Variants in TFPI observed in about 807,000 individuals in gnomAD.
TFPI encodes tissue factor pathway inhibitor.
TFPI carries 15 observed loss-of-function variants against 34.6 expected under a neutral mutation model. That is an observed-to-expected ratio of 0.43 (90% CI 0.29 to 0.67). The LOEUF (loss-of-function observed/expected upper bound fraction) is 0.67, where lower values mean the gene tolerates loss of function less well. Among genes scored for constraint, TFPI ranks in the 30% least tolerant of loss-of-function variants. TFPI has a pLI of 0.15. For missense variants in TFPI, 301 were observed against 364.0 expected, an observed-to-expected ratio of 0.83 and a Z score of 1.41; for synonymous variants, 105 against 120.1, an observed-to-expected ratio of 0.87 and a Z score of 0.82.
chr2:187,540,652 G>A (rs1168793833), intron 1 of TFPI, among the ~76,000 whole-genome samples: 1 of 152,050 alleles, frequency 6.6e-6, no homozygotes, highest in African/African-American at 2.4e-5. Flanking sequence ...CGCTTTGGGA[G>A]GCCAAAGCGG....
At chr2:187,540,017 A>G (rs957515197) in intron 1 of TFPI, among the ~76,000 whole-genome samples, 6 of 151,464 alleles carry the variant, frequency 4.0e-5, no homozygotes, top group Non-Finnish European at 7.4e-5. Flanking sequence ...TCCTGCCTCA[A>G]GCCTCAAGCT....
At chr2:187,510,771 C>A (rs907927072) in intron 1 of TFPI, among the ~76,000 whole-genome samples, 1 of 152,196 alleles carries the variant, frequency 6.6e-6, no homozygotes, top group Non-Finnish European at 1.5e-5. Flanking sequence ...CTTGCTCAAT[C>A]AATCACGACC....
intron 5 of TFPI, 32 bp downstream of exon 5, chr2:187,484,779 A>T (rs1422904200): frequency 1.3e-6 from 2 of 1,552,558 alleles, no homozygotes; most frequent in Admixed American, 4.2e-5. Flanking sequence ...ATGCCTATAA[A>T]TGAACTAAAA....
intron 3 of TFPI, among the ~76,000 whole-genome samples, chr2:187,493,801 A>G (rs144874342): frequency 6.6e-6 from 1 of 152,314 alleles, no homozygotes; most frequent in African/African-American, 2.4e-5. Context: ...CAACTTCCCA[A>G]AAAGTTCCTC....
At chr2:187,488,588 A>G (rs1277209122) in intron 3 of TFPI, among the ~76,000 whole-genome samples, 1 of 151,416 alleles carries the variant, frequency 6.6e-6, no homozygotes, top group Non-Finnish European at 1.5e-5. Context: ...TCAATAGAGT[A>G]ATGTTTTAGA....
At chr2:187,468,889 A>G (rs1284275436) in intron 6 of TFPI, among the ~76,000 whole-genome samples, 1 of 152,076 alleles carries the variant, frequency 6.6e-6, no homozygotes, top group Non-Finnish European at 1.5e-5. Flanking sequence ...GCTTTGTCAA[A>G]TGGTGAGATG....
intron 1 of TFPI, among the ~76,000 whole-genome samples, chr2:187,534,649 C>T (rs1328733722): frequency 6.6e-6 from 1 of 152,046 alleles, no homozygotes; most frequent in East Asian, 1.9e-4. Flanking sequence ...CACTATGAAG[C>T]AACTGCATCA....
At chr2:187,547,862 C>A (rs1320567192) in intron 1 of TFPI, among the ~76,000 whole-genome samples, 1 of 152,126 alleles carries the variant, frequency 6.6e-6, no homozygotes, top group East Asian at 1.9e-4. Flanking sequence ...ATGATCATAT[C>A]ATCAGAAATC....
chr2:187,530,626 G>A (rs183820917), intron 1 of TFPI, among the ~76,000 whole-genome samples: 30 of 152,176 alleles, frequency 2.0e-4, no homozygotes, highest in African/African-American at 7.2e-4. Context: ...TGATGGTTAC[G>A]TTCTCTTCCT....
chr2:187,525,179 A>G (rs1222089513), intron 1 of TFPI, among the ~76,000 whole-genome samples: 1 of 152,120 alleles, frequency 6.6e-6, no homozygotes, highest in Non-Finnish European at 1.5e-5. Context: ...GCCCTAACCT[A>G]TAAGAAGTAT....
chr2:187,479,420 A>G (rs1367761948), intron 6 of TFPI, among the ~76,000 whole-genome samples: 1 of 151,032 alleles, frequency 6.6e-6, no homozygotes, highest in Admixed American at 6.6e-5. Context: ...TATGTGTTAT[A>G]TACAATATCT....
At chr2:187,493,818 A>C (rs187313714) in intron 3 of TFPI, among the ~76,000 whole-genome samples, 22 of 152,292 alleles carry the variant, frequency 1.4e-4, no homozygotes, top group Non-Finnish European at 2.4e-4. Flanking sequence ...CCTCATCTCT[A>C]TCTGAGACCA....
At chr2:187,499,089 TTGG>T (rs1287928312) in intron 2 of TFPI, among the ~76,000 whole-genome samples, 11 of 151,966 alleles carry the variant, frequency 7.2e-5, no homozygotes. Flanking sequence ...TTAAGAAATA[TTGG>T]TGAACATTGA....
intron 6 of TFPI, among the ~76,000 whole-genome samples, chr2:187,472,783 G>A (rs752826942): frequency 1.4e-4 from 21 of 152,108 alleles, no homozygotes; most frequent in Non-Finnish European, 2.5e-4. Flanking sequence ...AGGCCGAGGT[G>A]AGTGGATCAC....
At chr2:187,496,681 G>A (rs1160188118) in intron 3 of TFPI, among the ~76,000 whole-genome samples, 200 bp downstream of exon 3, 4 of 151,954 alleles carry the variant, frequency 2.6e-5, no homozygotes, top group Admixed American at 2.6e-4. Flanking sequence ...ATAAATGTGG[G>A]TATTTCATGG....
chr2:187,553,659 A>T (rs928884234), intron 1 of TFPI, among the ~76,000 whole-genome samples: 1 of 152,174 alleles, frequency 6.6e-6, no homozygotes, highest in African/African-American at 2.4e-5. Flanking sequence ...TGGTCTTTGG[A>T]GAATTGTAAA....
At chr2:187,509,056 T>C (rs191565206) in intron 1 of TFPI, among the ~76,000 whole-genome samples, 2 of 152,332 alleles carry the variant, frequency 1.3e-5, no homozygotes, top group Non-Finnish European at 2.9e-5. Context: ...GAGATACTCA[T>C]GAGGTTTTTG....
chr2:187,466,329 A>G lies in TFPI; in HGVS notation c.*607T>C, dbSNP rs1691718674. 1 of 152,160 alleles carries G rather than the reference A, an allele frequency of 6.6e-6. No homozygotes were observed. The highest frequency in any genetic ancestry group is 1.5e-5 in the Non-Finnish European group (1 of 68,040). The allele number at this position is 152,160 out of a possible 1,614,324, so 9.4% of individuals were successfully genotyped here. ...AAACCAATCCAAATCAGGCAGGCAC[A>G]TGATGCAGAGTTGACTGTTCAAAGA... On this transcript the variant is annotated 3_prime_UTR_variant, in exon 8 of 8. Transcript: ENST00000233156.
chr2:187,527,562 G>C (rs1687743003), intron 1 of TFPI, among the ~76,000 whole-genome samples: 1 of 152,122 alleles, frequency 6.6e-6, no homozygotes, highest in Non-Finnish European at 1.5e-5. Flanking sequence ...TAATGTCCCT[G>C]TTGGGTCCCA....
Sources: gnomAD v4.1 joint callset for allele counts (sites outside exome capture counted in the v4.1 genomes callset) on GRCh38, gnomAD v4.1.1 for gene constraint, MANE v1.5 for transcripts, NCBI Gene and HGNC (gene_info 2026-07-23, HGNC 2026-07-21) for gene names.